Variants in SRRT observed in about 807,000 individuals in gnomAD.
The protein encoded by SRRT is serrate, RNA effector molecule.
In SRRT, 32 loss-of-function variants were observed where a neutral mutation model predicts 103.2. The ratio of observed to expected loss-of-function variants is 0.31; its 90% CI spans 0.23 to 0.42. SRRT has a LOEUF of 0.42. Ranked by LOEUF, SRRT falls within the 10% of genes least tolerant of loss-of-function variation. SRRT has a pLI of 1.00. For synonymous variants in SRRT, 525 were observed against 449.0 expected (o/e 1.17, Z -2.14); for missense variants, 986 against 1,207.5 (o/e 0.82, Z 2.72).
chr7:100,887,001 C>T lies in SRRT; in HGVS notation c.1821+33C>T, dbSNP rs762660540. ...TGGCAGCGCGGGGCACGTGGGGGCT[C>T]GGGCGGTGAGGGCAGGAGCTGAACG... is the stretch of plus-strand genomic sequence containing the variant. On this transcript the variant is annotated intron_variant, in intron 14 of 19. Coordinates refer to ENST00000611405, the MANE Select transcript of SRRT (RefSeq NM_015908.6). This position sits in a 1 kb window ranked among gnomAD's most constrained non-coding sequence, Gnocchi z 4.1. 1.5e-5 allele frequency: 24 copies of T among 1,609,936 alleles called. No individual in the cohort carries two copies. Among genetic ancestry groups the T allele is most frequent in the East Asian group, 1.1e-4 (5 of 44,806 alleles).
intron 13 of SRRT, 27 bp from the exon 14 acceptor site, chr7:100,886,768 C>T (rs1790158744): frequency 3.7e-6 from 6 of 1,613,234 alleles, no homozygotes; most frequent in Non-Finnish European, 5.1e-6. Flanking sequence ...TCTTCTCTGC[C>T]TTACTTGCTT....
In SRRT at chr7:100,885,843, A is replaced by C; in HGVS notation, c.1380-20A>C. 1 of 1,614,074 alleles carries C rather than the reference A, an allele frequency of 6.2e-7. No individual in the cohort carries two copies. The highest frequency in any genetic ancestry group is 8.5e-7 in the Non-Finnish European group (1 of 1,179,994). ...CCAACTCCCTCGCTTGACTATGCTA[A>C]CATTTTCTTTCTTGTGTAGGTTTTT... On this transcript the variant is annotated intron_variant, in intron 11 of 19. Coordinates refer to ENST00000611405, the MANE Select transcript of SRRT (RefSeq NM_015908.6). This position sits in a 1 kb window ranked among gnomAD's most constrained non-coding sequence, Gnocchi z 4.8.
Position 100,888,636 on chromosome 7 carries a change from T to G in SRRT, c.*87T>G, listed in dbSNP as rs576444375. 53 of 1,552,234 alleles carry G rather than the reference T, an allele frequency of 3.4e-5. No homozygotes were observed. In the African/African-American group the frequency reaches 5.7e-4, roughly 17 times the overall value. ...CTGAGAATTTTTTGTACGATCAGCC[T>G]TACTGCTAATAAAAGCACTTCCACA... On this transcript the variant is annotated 3_prime_UTR_variant, in exon 20 of 20. Transcript: ENST00000611405.
chr7:100,885,587 A>G lies in SRRT; in HGVS notation c.1318-114A>G, dbSNP rs1790015834. Reference sequence around the variant, plus strand: ...TTTAGTGGTTTTTCCCTGCCCAAGGATGGGAAGAGTGATAAGGCAGTTAGT... The same window carrying G: ...TTTAGTGGTTTTTCCCTGCCCAAGGGTGGGAAGAGTGATAAGGCAGTTAGT... On this transcript the variant is annotated intron_variant, in intron 10 of 19. Transcript: ENST00000611405. This position sits in a 1 kb window ranked among gnomAD's most constrained non-coding sequence, Gnocchi z 4.8. 6.5e-6 allele frequency: 8 copies of G among 1,239,528 alleles called. No individual in the cohort carries two copies. The highest frequency in any genetic ancestry group is 8.1e-6 in the Non-Finnish European group (7 of 869,258). 76.8% of individuals were successfully genotyped at this position (1,239,528 alleles called of 1,614,324 possible). A position where few individuals can be genotyped will look rare whatever the true frequency, so the allele number is the denominator to read the frequency against.
At chr7:100,878,607 C>T (rs1254055890) in intron 2 of SRRT, among the ~76,000 whole-genome samples, 2 of 152,146 alleles carry the variant, frequency 1.3e-5, no homozygotes, top group African/African-American at 4.8e-5. Context: ...AAAGAACCTA[C>T]CTCTTGTTGA....
chr7:100,884,405 T>C lies in SRRT; in HGVS notation c.795T>C (p.Leu265=), dbSNP rs15624. 0.53 allele frequency: 860,441 copies of C among 1,612,616 alleles called. 233,681 individuals are homozygous for C. Among genetic ancestry groups the C allele is most frequent in the East Asian group, 0.82 (36,624 of 44,782 alleles). The change falls in exon 7 of 20, where the codon CTT becomes CTC. Residue 265 remains leucine (L), a synonymous_variant. Transcript: ENST00000611405. ...TGGAAGGAGGCACGGAGAATGATCTTCGCATCCTGGAGCAGGAGGAGGAGG... is the reference window on the plus strand; with the variant it reads ...TGGAAGGAGGCACGGAGAATGATCTCCGCATCCTGGAGCAGGAGGAGGAGG... ...IKMEGGTEND[L]RILEQEEEEE...
chr7:100,882,337 C>T lies in SRRT; in HGVS notation c.587+96C>T, dbSNP rs578163490. 41 of 1,406,292 alleles carry T rather than the reference C, an allele frequency of 2.9e-5. No homozygotes were observed. Among genetic ancestry groups the T allele is most frequent in the Admixed American group, 9.4e-5 (4 of 42,554 alleles). 87.1% of individuals were successfully genotyped at this position (1,406,292 alleles called of 1,614,324 possible). ...CTGTCCTCTTCCCAGTTTTCCCTGT[C>T]CAGAACTTTCTGGGGGCGGGGGTCG... On this transcript the variant is annotated intron_variant, in intron 5 of 19. Coordinates refer to ENST00000611405, the MANE Select transcript of SRRT (RefSeq NM_015908.6). This position sits in a 1 kb window ranked among gnomAD's most constrained non-coding sequence, Gnocchi z 4.2.
At chr7:100,879,044 T>C (rs1340632820) in intron 2 of SRRT, among the ~76,000 whole-genome samples, 1 of 152,076 alleles carries the variant, frequency 6.6e-6, no homozygotes, top group African/African-American at 2.4e-5. Context: ...AACCTCCATC[T>C]TCCGGGTTCA....
Position 100,884,056 on chromosome 7 carries a change from C to G in SRRT, c.588-14C>G, listed in dbSNP as rs200869352. Reference sequence around the variant, plus strand: ...ATAACTGTTTTGTCTTTCCCTCCCCCGCTTCGTTCCCAGGTTTCGGTCTAA... The same window carrying G: ...ATAACTGTTTTGTCTTTCCCTCCCCGGCTTCGTTCCCAGGTTTCGGTCTAA... On this transcript the variant is annotated splice_polypyrimidine_tract_variant and intron_variant, in intron 5 of 19. Coordinates refer to ENST00000611405, the MANE Select transcript of SRRT (RefSeq NM_015908.6). 1.2e-4 allele frequency: 193 copies of G among 1,566,740 alleles called. 3 individuals are homozygous for G. In the South Asian group the frequency reaches 1.8e-3, roughly 14 times the overall value.
Position 100,886,797 on chromosome 7 carries a change from C to A in SRRT, c.1650C>A (p.Ser550Arg). Residue 550 changes from serine to arginine, a missense_variant and splice_region_variant, in exon 14 of 20, where the codon AGC becomes AGA. Physicochemically the swap from Ser to Arg is moderately radical, Grantham distance 110. Coordinates refer to ENST00000611405, the MANE Select transcript of SRRT (RefSeq NM_015908.6). ...SEPGTPPLPTSLPSQNPILKN... is the reference protein window; with the variant it reads ...SEPGTPPLPTRLPSQNPILKN... ...CTTGCTTCTCTTCCTCCCATCAGAG[C>A]CTGCCCTCGCAAAACCCGATCTTGA... 1 of 1,614,142 alleles carries A rather than the reference C, an allele frequency of 6.2e-7. No individual in the cohort carries two copies. Among genetic ancestry groups the A allele is most frequent in the Non-Finnish European group, 8.5e-7 (1 of 1,180,014 alleles).
chr7:100,879,660 GC>G (rs1816094811), intron 2 of SRRT, among the ~76,000 whole-genome samples: 1 of 152,094 alleles, frequency 6.6e-6, no homozygotes, highest in Non-Finnish European at 1.5e-5. Flanking sequence ...ACCCACATAA[GC>G]AGAAACTCTT....
At chr7:100,886,711 C>A in intron 13 of SRRT, 84 bp from the exon 14 acceptor site, 1 of 1,473,738 alleles carries the variant, frequency 6.8e-7, no homozygotes, top group East Asian at 2.3e-5. Flanking sequence ...CCTGTCCCCT[C>A]GCTGCTCTTT....
chr7:100,881,981 C>G (rs1789619797), intron 4 of SRRT, 72 bp from the exon 5 acceptor site: 1 of 1,535,788 alleles, frequency 6.5e-7, no homozygotes, highest in African/African-American at 1.4e-5. Flanking sequence ...AAAGGGGCCC[C>G]AGCTACTTTG....
rs1010744371 is a variant in SRRT, at chr7:100,881,902, C to A, written c.398+97C>A. 2.7e-6 allele frequency: 4 copies of A among 1,488,476 alleles called. No homozygotes were observed. The East Asian group carries it at 9.0e-5, about 34-fold the overall frequency. 92.2% of individuals were successfully genotyped at this position (1,488,476 alleles called of 1,614,324 possible). On this transcript the variant is annotated intron_variant, in intron 4 of 19. Coordinates refer to ENST00000611405, the MANE Select transcript of SRRT (RefSeq NM_015908.6). ...GAAGCCAGGGAGCGGGTCAGGCACA[C>A]AGAGGCATGTCCCTGGGGTAGGGGT...
In SRRT at chr7:100,885,054, T is replaced by C. The variant is rs1789954351; in HGVS notation, c.1159+14T>C. 1.2e-6 allele frequency: 2 copies of C among 1,613,534 alleles called. No homozygotes were observed. The highest frequency in any genetic ancestry group is 1.7e-6 in the Non-Finnish European group (2 of 1,180,000). Reference sequence around the variant, plus strand: ...AGGAGGAGGCCGGTAGGGTTTCTTTTCTGCTTTAAAGTGCGTTCTCCTAAT... The same window carrying C: ...AGGAGGAGGCCGGTAGGGTTTCTTTCCTGCTTTAAAGTGCGTTCTCCTAAT... On this transcript the variant is annotated intron_variant, in intron 9 of 19. Coordinates refer to ENST00000611405, the MANE Select transcript of SRRT (RefSeq NM_015908.6). The surrounding 1 kb of genome is among the most constrained non-coding windows in gnomAD (Gnocchi z 4.8).
In SRRT at chr7:100,885,581, C is replaced by T; in HGVS notation, c.1318-120C>T. 1.6e-6 allele frequency: 2 copies of T among 1,228,840 alleles called. No homozygotes were observed. The highest frequency in any genetic ancestry group is 2.3e-6 in the Non-Finnish European group (2 of 863,024). The allele number at this position is 1,228,840 out of a possible 1,614,324, so 76.1% of individuals were successfully genotyped here. A position where few individuals can be genotyped will look rare whatever the true frequency, so the allele number is the denominator to read the frequency against. On this transcript the variant is annotated intron_variant, in intron 10 of 19. Coordinates refer to ENST00000611405, the MANE Select transcript of SRRT (RefSeq NM_015908.6). This position sits in a 1 kb window ranked among gnomAD's most constrained non-coding sequence, Gnocchi z 4.8. ...AAGCCCTTTAGTGGTTTTTCCCTGC[C>T]CAAGGATGGGAAGAGTGATAAGGCA...
At chr7:100,875,917 A>G (rs1346174853) in intron 2 of SRRT, 4 of 566,212 alleles carry the variant, frequency 7.1e-6, no homozygotes, top group African/African-American at 3.8e-5. Flanking sequence ...GATCAGAGCT[A>G]TAGAGCTAAG....
chr7:100,886,147 T>C, intron 12 of SRRT, 100 bp from the exon 13 acceptor site: 1 of 1,411,708 alleles, frequency 7.1e-7, no homozygotes, highest in Non-Finnish European at 9.7e-7. Context: ...GCTCGCAGTC[T>C]GATCAATCGC....
At position 100,875,342 on chromosome 7, in the gene SRRT, G is replaced by A; in HGVS notation, c.-19+14G>A. ...GGCCGCACCAAGGTGGGGGAGGGGA[G>A]GAGCCTGGGGGGCCCCGCTGGGGCG... On this transcript the variant is annotated intron_variant, in intron 1 of 19. Coordinates refer to ENST00000611405, the MANE Select transcript of SRRT (RefSeq NM_015908.6). The A allele has an allele frequency of 1.6e-6, 2 of 1,252,412 alleles. No individual in the cohort carries two copies. The highest frequency in any genetic ancestry group is 1.7e-5 in the South Asian group (1 of 57,386). The allele number at this position is 1,252,412 out of a possible 1,614,324, so 77.6% of individuals were successfully genotyped here. A position where few individuals can be genotyped will look rare whatever the true frequency, so the allele number is the denominator to read the frequency against.
Sources: gnomAD v4.1 joint callset for allele counts (sites outside exome capture counted in the v4.1 genomes callset) on GRCh38, gnomAD v4.1.1 for gene constraint, Gnocchi (gnomAD v3.1) non-coding constraint, MANE v1.5 for transcripts, NCBI Gene and HGNC (gene_info 2026-07-23, HGNC 2026-07-21) for gene names.